KCNK2: variants seen among roughly 807,000 people sequenced by gnomAD.
KCNK2 encodes the protein potassium two pore domain channel subfamily K member 2.
A neutral mutation model predicts 40.5 loss-of-function variants in KCNK2; 21 were observed. That is an observed-to-expected ratio of 0.52 (90% CI 0.37 to 0.75). The LOEUF (loss-of-function observed/expected upper bound fraction) is 0.75, where lower values mean the gene tolerates loss of function less well. KCNK2 is among the 30% of genes least tolerant of loss of function. KCNK2 has a pLI of 0.00. For synonymous variants in KCNK2, 191 were observed against 202.2 expected (o/e 0.94, Z 0.47); for missense variants, 399 against 531.6 (o/e 0.75, Z 2.45).
In KCNK2 at chr1:215,233,475, C is replaced by T. The variant is rs112447624; in HGVS notation, c.964-1353C>T. On this transcript the variant is annotated intron_variant, in intron 6 of 6. Transcript: ENST00000444842. Reference sequence around the variant, plus strand: ...GTACACACACACACACACACACACACGTACACACACACACATTTATATCTA... The same window carrying T: ...GTACACACACACACACACACACACATGTACACACACACACATTTATATCTA... Among the ~76,000 whole-genome samples the T allele has an allele frequency of 7.3e-3, 1,037 of 142,154 alleles. 19 individuals are homozygous for T. The highest frequency in any genetic ancestry group is 0.065 in the South Asian group (306 of 4,728). The allele number at this position is 142,154 out of a possible 152,430, so 93.3% of individuals were successfully genotyped here.
intron 2 of KCNK2, among the ~76,000 whole-genome samples, chr1:215,104,270 C>T (rs1660340272): frequency 6.6e-6 from 1 of 151,996 alleles, no homozygotes; most frequent in Non-Finnish European, 1.5e-5. Flanking sequence ...ATAGAACAAA[C>T]ACCGGATCTG....
intron 2 of KCNK2, among the ~76,000 whole-genome samples, chr1:215,121,857 T>C (rs976890248): frequency 6.6e-6 from 1 of 152,230 alleles, no homozygotes; most frequent in Non-Finnish European, 1.5e-5. Context: ...TAGGTTAACA[T>C]ATATGGGCTT....
chr1:215,011,792 G>A (rs1356842216), intron 1 of KCNK2, among the ~76,000 whole-genome samples: 1 of 151,500 alleles, frequency 6.6e-6, no homozygotes, highest in East Asian at 2.0e-4. Flanking sequence ...ATTTTTAGTA[G>A]AGACGGGGTT....
At chr1:215,010,452 CT>C (rs1443749654) in intron 1 of KCNK2, among the ~76,000 whole-genome samples, 2 of 152,154 alleles carry the variant, frequency 1.3e-5, no homozygotes, top group Non-Finnish European at 2.9e-5. Flanking sequence ...CTGAATGAAT[CT>C]TAGAGAAGAC....
chr1:215,040,980 A>G (rs189994818), intron 1 of KCNK2, among the ~76,000 whole-genome samples: 58 of 152,290 alleles, frequency 3.8e-4, no homozygotes, highest in African/African-American at 1.1e-3. Context: ...AAGCAACAGC[A>G]TGAGACCTCA....
intron 6 of KCNK2, among the ~76,000 whole-genome samples, chr1:215,233,475 CGT>C (rs1189603776): frequency 4.9e-5 from 7 of 142,026 alleles, no homozygotes; most frequent in South Asian, 2.1e-4. Flanking sequence ...CACACACACA[CGT>C]ACACACACAC....
At chr1:215,220,146 G>A (rs181693989) in intron 6 of KCNK2, among the ~76,000 whole-genome samples, 42 of 152,246 alleles carry the variant, frequency 2.8e-4, no homozygotes, top group Admixed American at 8.5e-4. Context: ...TTCCATATCT[G>A]TTTATTTTAT....
At chr1:215,040,808 A>C (rs1271945213) in intron 1 of KCNK2, among the ~76,000 whole-genome samples, 2 of 152,162 alleles carry the variant, frequency 1.3e-5, no homozygotes, top group Admixed American at 1.3e-4. Flanking sequence ...AGACATGTCA[A>C]ATTCTGAAGA....
intron 1 of KCNK2, among the ~76,000 whole-genome samples, chr1:215,067,394 G>A (rs1171257099): frequency 6.6e-6 from 1 of 152,118 alleles, no homozygotes; most frequent in Non-Finnish European, 1.5e-5. Context: ...GAGAACACAA[G>A]TATTAGGATT....
intron 5 of KCNK2, among the ~76,000 whole-genome samples, chr1:215,179,374 AT>A (rs1328616739): frequency 2.0e-5 from 3 of 150,136 alleles, no homozygotes; most frequent in Admixed American, 2.0e-4. Context: ...TTATTCTTTT[AT>A]TTTTTTTCTC....
chr1:215,116,859 T>TGG (rs34189348), intron 2 of KCNK2, among the ~76,000 whole-genome samples: 52 of 151,642 alleles, frequency 3.4e-4, no homozygotes, highest in Non-Finnish European at 1.8e-4. Flanking sequence ...CAAAATATGC[T>TGG]GGGGGGGGAA....
chr1:215,141,041 C>G (rs1206185828), intron 3 of KCNK2, among the ~76,000 whole-genome samples: 1 of 151,760 alleles, frequency 6.6e-6, no homozygotes, highest in Non-Finnish European at 1.5e-5. Flanking sequence ...CAAACACACA[C>G]ACTAGCCTAG....
At chr1:215,159,468 C>G (rs958670179) in intron 3 of KCNK2, among the ~76,000 whole-genome samples, 2 of 152,174 alleles carry the variant, frequency 1.3e-5, no homozygotes, top group African/African-American at 4.8e-5. Flanking sequence ...TTTCCCCTAT[C>G]AGGATCTACT....
At chr1:215,223,117 A>G (rs1010319702) in intron 6 of KCNK2, among the ~76,000 whole-genome samples, 1 of 152,026 alleles carries the variant, frequency 6.6e-6, no homozygotes, top group African/African-American at 2.4e-5. Flanking sequence ...AAAATTTCCA[A>G]ATGGTCATTC....
chr1:215,185,692 A>T (rs181620788), intron 5 of KCNK2, among the ~76,000 whole-genome samples: 1 of 152,296 alleles, frequency 6.6e-6, no homozygotes, highest in African/African-American at 2.4e-5. Context: ...CTATTTTGCC[A>T]GGGAAAAGCA....
At chr1:215,204,063 A>AAAAAAAAAAAAAAAAAAAAAAAAT in intron 6 of KCNK2, among the ~76,000 whole-genome samples, 1 of 149,566 alleles carries the variant, frequency 6.7e-6, no homozygotes, top group African/African-American at 2.4e-5. Flanking sequence ...AAAAAAAAAA[A>AAAAAAAAAAAAAAAAAAAAAAAAT]AGAACTAGTT....
rs574225835 is a variant in KCNK2 at position 215,117,033 on chromosome 1, T to G, written c.358-7600T>G. ...GATGCTAGGTTTTGAAAATCTAACATTTGTCAGTACTCTATAACATTACAT... is the reference window on the plus strand; with the variant it reads ...GATGCTAGGTTTTGAAAATCTAACAGTTGTCAGTACTCTATAACATTACAT... On this transcript the variant is annotated intron_variant, in intron 2 of 6. Coordinates refer to ENST00000444842, the MANE Select transcript of KCNK2 (RefSeq NM_001017425.3). Among the ~76,000 whole-genome samples, 12 of 152,136 alleles carry G rather than the reference T, an allele frequency of 7.9e-5. No individual in the cohort carries two copies. In the South Asian group the frequency reaches 2.5e-3, roughly 32 times the overall value.
chr1:215,197,629 C>T (rs80299305), intron 6 of KCNK2, among the ~76,000 whole-genome samples: 4,173 of 152,244 alleles, frequency 0.027, 159 homozygotes, highest in African/African-American at 0.092. Flanking sequence ...CAACATATGA[C>T]TTTTGGGGAG....
chr1:215,174,645 G>A (rs948421741), intron 5 of KCNK2, among the ~76,000 whole-genome samples: 15 of 151,950 alleles, frequency 9.9e-5, no homozygotes, highest in African/African-American at 3.4e-4. Flanking sequence ...CTTTTATTTT[G>A]TTGAGCAGTG....
Sources: allele counts gnomAD v4.1 joint callset (sites outside exome capture counted in the v4.1 genomes callset), GRCh38; gene constraint gnomAD v4.1.1; transcripts MANE v1.5; gene names NCBI Gene and HGNC (gene_info 2026-07-23, HGNC 2026-07-21).